Variants in CDKAL1 observed in about 807,000 individuals in gnomAD.
CDKAL1 encodes threonylcarbamoyladenosine tRNA methylthiotransferase.
In CDKAL1, 32 loss-of-function variants were observed where a neutral mutation model predicts 68.2. The ratio of observed to expected loss-of-function variants is 0.47; its 90% CI spans 0.35 to 0.63. The LOEUF is 0.63. CDKAL1 is among the 30% of genes least tolerant of loss of function. The probability of loss-of-function intolerance (pLI) is 0.00; values close to 1 mark genes in which losing one functional copy is unlikely to be tolerated. For synonymous variants in CDKAL1, 234 were observed against 244.3 expected (o/e 0.96, Z 0.39); for missense variants, 606 against 696.7 (o/e 0.87, Z 1.47).
intron 4 of CDKAL1, among the ~76,000 whole-genome samples, chr6:20,583,278 G>C (rs1765209980): frequency 6.6e-6 from 1 of 152,048 alleles, no homozygotes; most frequent in Admixed American, 6.6e-5. Flanking sequence ...TATCTTGTTA[G>C]ACTTTTACTT....
chr6:21,123,673 G>A (rs1263002507), intron 13 of CDKAL1, among the ~76,000 whole-genome samples: 1 of 152,146 alleles, frequency 6.6e-6, no homozygotes, highest in Non-Finnish European at 1.5e-5. Context: ...TCTCCACATG[G>A]GTGAAGTTCA....
At chr6:20,553,696 T>C (rs1763921303) in intron 4 of CDKAL1, among the ~76,000 whole-genome samples, 1 of 152,188 alleles carries the variant, frequency 6.6e-6, no homozygotes, top group Admixed American at 6.5e-5. Flanking sequence ...CTGCAACCTC[T>C]GCCTTCTGGG....
chr6:21,078,666 T>A (rs117112626), intron 12 of CDKAL1, among the ~76,000 whole-genome samples: 2 of 152,288 alleles, frequency 1.3e-5, no homozygotes, highest in East Asian at 3.9e-4. Context: ...TACTTTTATA[T>A]TCATCTCCCC....
At chr6:21,119,658 A>C (rs1400187452) in intron 13 of CDKAL1, among the ~76,000 whole-genome samples, 1 of 152,114 alleles carries the variant, frequency 6.6e-6, no homozygotes, top group Non-Finnish European at 1.5e-5. Flanking sequence ...TGATCTTCTT[A>C]TACCATTCTT....
intron 11 of CDKAL1, among the ~76,000 whole-genome samples, chr6:21,060,664 A>T (rs1217150084): frequency 6.6e-6 from 1 of 152,028 alleles, no homozygotes; most frequent in Non-Finnish European, 1.5e-5. Flanking sequence ...TTCTCTAAGC[A>T]CTGCTTTAGT....
intron 11 of CDKAL1, among the ~76,000 whole-genome samples, chr6:21,007,302 C>T (rs987533687): frequency 3.3e-5 from 5 of 151,702 alleles, no homozygotes; most frequent in South Asian, 2.1e-4. Flanking sequence ...TGGTGGCACT[C>T]GCCTGTAGTC....
intron 11 of CDKAL1, among the ~76,000 whole-genome samples, chr6:21,063,838 A>G (rs1771272792): frequency 6.6e-6 from 1 of 152,204 alleles, no homozygotes; most frequent in Non-Finnish European, 1.5e-5. Context: ...TCAACATTCA[A>G]AAGAAAGGAG....
intron 10 of CDKAL1, among the ~76,000 whole-genome samples, chr6:20,964,241 G>T (rs1025818430): frequency 6.6e-6 from 1 of 152,230 alleles, no homozygotes; most frequent in African/African-American, 2.4e-5. Context: ...CATTGTGGAA[G>T]ACTTTGTGGA....
intron 11 of CDKAL1, among the ~76,000 whole-genome samples, chr6:21,042,653 A>G (rs1217149990): frequency 6.6e-6 from 1 of 151,966 alleles, no homozygotes; most frequent in Non-Finnish European, 1.5e-5. Context: ...CACTGTCACT[A>G]TCCTATTTGA....
At chr6:20,614,453 A>G (rs1023477874) in intron 4 of CDKAL1, among the ~76,000 whole-genome samples, 11 of 152,152 alleles carry the variant, frequency 7.2e-5, no homozygotes, top group Non-Finnish European at 1.5e-5. Context: ...TCCTGATACC[A>G]TTTATTAATT....
At chr6:20,768,334 C>T (rs1022536427) in intron 7 of CDKAL1, among the ~76,000 whole-genome samples, 2 of 152,120 alleles carry the variant, frequency 1.3e-5, no homozygotes, top group African/African-American at 4.8e-5. Context: ...GAAGTGCATG[C>T]GTCTGTAATA....
chr6:20,687,986 G>A (rs1427574452), intron 5 of CDKAL1, among the ~76,000 whole-genome samples: 3 of 151,784 alleles, frequency 2.0e-5, no homozygotes, highest in East Asian at 3.9e-4. Flanking sequence ...ATGATTTTGC[G>A]GGTTACAGAA....
chr6:20,903,999 T>C (rs986248305), intron 9 of CDKAL1, among the ~76,000 whole-genome samples: 2 of 152,202 alleles, frequency 1.3e-5, no homozygotes, highest in African/African-American at 4.8e-5. Flanking sequence ...TGGTAGCAGC[T>C]ACACACCCCT....
chr6:20,597,035 C>A (rs1449881102), intron 4 of CDKAL1, among the ~76,000 whole-genome samples: 1 of 152,224 alleles, frequency 6.6e-6, no homozygotes, highest in Admixed American at 6.5e-5. Flanking sequence ...AGAAATCACC[C>A]GCCTTCTGTG....
intron 9 of CDKAL1, among the ~76,000 whole-genome samples, chr6:20,923,234 T>TC (rs756475045): frequency 3.2e-4 from 49 of 152,254 alleles, no homozygotes; most frequent in Admixed American, 5.9e-4. Context: ...ATATAACTCT[T>TC]GGGTACAGGT....
In CDKAL1 at chr6:20,826,443, T is replaced by C. The variant is rs184805301; in HGVS notation, c.639-19632T>C. ...TTTGGAAGTTATAAATGGAATTGTG[T>C]ACTTCAGAGAAGGTCAAGTTTAGAA... On this transcript the variant is annotated intron_variant, in intron 8 of 15. Coordinates refer to ENST00000274695, the MANE Select transcript of CDKAL1 (RefSeq NM_017774.3). Among the ~76,000 whole-genome samples, 380 of 152,314 alleles carry C rather than the reference T, an allele frequency of 2.5e-3. 2 individuals carry two copies. The highest frequency in any genetic ancestry group is 8.5e-3 in the African/African-American group (354 of 41,586).
chr6:20,773,139 T>A (rs1775016539), intron 7 of CDKAL1: 1 of 152,246 alleles, frequency 6.6e-6, no homozygotes, highest in Admixed American at 6.5e-5. Context: ...TAGTTAATTC[T>A]ACCATTTTGT....
intron 4 of CDKAL1, among the ~76,000 whole-genome samples, chr6:20,630,349 G>C (rs958732004): frequency 4.6e-5 from 7 of 152,038 alleles, no homozygotes; most frequent in African/African-American, 1.7e-4. Context: ...GTTTCCTAAG[G>C]CTGCTCTCTG....
intron 12 of CDKAL1, among the ~76,000 whole-genome samples, chr6:21,101,231 A>G (rs1033064018): frequency 6.6e-6 from 1 of 152,188 alleles, no homozygotes; most frequent in African/African-American, 2.4e-5. Flanking sequence ...TAACAGTTGG[A>G]AGAGACCTTT....
Sources: gnomAD v4.1 joint callset for allele counts (sites outside exome capture counted in the v4.1 genomes callset) on GRCh38, gnomAD v4.1.1 for gene constraint, MANE v1.5 for transcripts, NCBI Gene and HGNC (gene_info 2026-07-23, HGNC 2026-07-21) for gene names.